ST7: variants seen among roughly 807,000 people sequenced by gnomAD.
The protein encoded by ST7 is suppressor of tumorigenicity 7 protein.
A neutral mutation model predicts 78.7 loss-of-function variants in ST7; 28 were observed. The ratio of observed to expected loss-of-function variants is 0.36; its 90% CI spans 0.26 to 0.49. ST7 has a LOEUF of 0.49. Ranked by LOEUF, ST7 falls within the 20% of genes least tolerant of loss-of-function variation. ST7 has a pLI of 0.99. For synonymous variants in ST7, 247 were observed against 249.6 expected (o/e 0.99, Z 0.10); for missense variants, 418 against 696.0 (o/e 0.60, Z 4.49).
At chr7:117,197,273 T>A (rs936351106) in intron 12 of ST7, among the ~76,000 whole-genome samples, 2 of 152,198 alleles carry the variant, frequency 1.3e-5, no homozygotes, top group Non-Finnish European at 2.9e-5. Context: ...TTCTACCTTG[T>A]CCTCCCAAAG....
chr7:116,960,409 A>C (rs1469938692), intron 1 of ST7, among the ~76,000 whole-genome samples: 1 of 152,130 alleles, frequency 6.6e-6, no homozygotes, highest in Non-Finnish European at 1.5e-5. Context: ...GACTGGTCTC[A>C]AACTTCAGGC....
At chr7:116,984,758 AT>A (rs1456490081) in intron 1 of ST7, among the ~76,000 whole-genome samples, 3 of 152,174 alleles carry the variant, frequency 2.0e-5, no homozygotes, top group Non-Finnish European at 2.9e-5. Flanking sequence ...CAATATAGGC[AT>A]TTGCTTTCCT....
chr7:117,102,554 G>C (rs1386998961), intron 2 of ST7, among the ~76,000 whole-genome samples: 1 of 152,128 alleles, frequency 6.6e-6, no homozygotes, highest in Non-Finnish European at 1.5e-5. Context: ...GTATGGGAAT[G>C]AATCTCTCAA....
At chr7:117,133,911 G>A (rs753741868) in intron 6 of ST7, among the ~76,000 whole-genome samples, 9 of 151,800 alleles carry the variant, frequency 5.9e-5, no homozygotes, top group Non-Finnish European at 8.8e-5. Flanking sequence ...ATTTGTGATT[G>A]CAGTTACAGT....
chr7:117,040,306 A>G (rs1219854299), intron 1 of ST7, among the ~76,000 whole-genome samples: 1 of 152,102 alleles, frequency 6.6e-6, no homozygotes, highest in Non-Finnish European at 1.5e-5. Context: ...TGGAAGGCAG[A>G]GGTTGCAGTG....
intron 1 of ST7, among the ~76,000 whole-genome samples, chr7:116,975,720 C>A (rs1272581866): frequency 6.9e-6 from 1 of 144,856 alleles, no homozygotes; most frequent in African/African-American, 2.5e-5. Context: ...TTTTTTTTTT[C>A]TTTGAAATTT....
At chr7:117,064,007 C>T (rs1798495761) in intron 1 of ST7, among the ~76,000 whole-genome samples, 1 of 152,102 alleles carries the variant, frequency 6.6e-6, no homozygotes, top group Admixed American at 6.5e-5. Context: ...TAGATTTCCT[C>T]ATATTTCTTC....
chr7:117,048,777 A>G (rs1488532641), intron 1 of ST7, among the ~76,000 whole-genome samples: 5 of 152,154 alleles, frequency 3.3e-5, no homozygotes, highest in Non-Finnish European at 2.9e-5. Flanking sequence ...AGCATCTTCA[A>G]TGGTATAATC....
At chr7:117,213,923 A>G (rs1792485453) in intron 13 of ST7, among the ~76,000 whole-genome samples, 1 of 152,216 alleles carries the variant, frequency 6.6e-6, no homozygotes, top group Non-Finnish European at 1.5e-5. Context: ...AACATAAAAA[A>G]CATAGAAACG....
rs549027828 is a variant in ST7, at chr7:117,019,200, T to A, written c.151+65509T>A. Among the ~76,000 whole-genome samples, 15 of 152,314 alleles carry A rather than the reference T, an allele frequency of 9.8e-5. No homozygotes were observed. In the East Asian group the frequency reaches 2.9e-3, roughly 29 times the overall value. On this transcript the variant is annotated intron_variant, in intron 1 of 15. Transcript: ENST00000323984. ...GAACTATTGAACTTTCTACTATATATGATTTTAAAAGTTACGTATATATGT... is the reference window on the plus strand; with the variant it reads ...GAACTATTGAACTTTCTACTATATAAGATTTTAAAAGTTACGTATATATGT...
intron 1 of ST7, among the ~76,000 whole-genome samples, chr7:117,084,009 A>G (rs1799966789): frequency 1.3e-5 from 2 of 152,236 alleles, no homozygotes; most frequent in Non-Finnish European, 1.5e-5. Context: ...ATAGACATCC[A>G]AATACTTGAG....
chr7:117,132,055 T>G (rs1312304135), intron 6 of ST7, 95 bp downstream of exon 6: 2 of 1,228,602 alleles, frequency 1.6e-6, no homozygotes, highest in East Asian at 4.7e-5. Flanking sequence ...TTAAACTGCA[T>G]TTGAACTGGA....
At chr7:117,199,150 T>C (rs1810581335) in intron 12 of ST7, 1 of 151,438 alleles carries the variant, frequency 6.6e-6, no homozygotes, top group Non-Finnish European at 1.5e-5. Flanking sequence ...GAAGTGTGAG[T>C]GGAAGAGAGA....
chr7:116,956,721 A>G (rs1792517603), intron 1 of ST7: 2 of 460,714 alleles, frequency 4.3e-6, no homozygotes, highest in African/African-American at 2.0e-5. Flanking sequence ...ATCATATTTT[A>G]TGGTAAATGA....
chr7:117,043,384 G>C (rs1379957616), intron 1 of ST7, among the ~76,000 whole-genome samples: 1 of 152,150 alleles, frequency 6.6e-6, no homozygotes, highest in Admixed American at 6.6e-5. Flanking sequence ...TGGGACCTTT[G>C]AGACTATTCC....
At chr7:117,176,690 T>G (rs754321192) in intron 10 of ST7, among the ~76,000 whole-genome samples, 5 of 152,250 alleles carry the variant, frequency 3.3e-5, no homozygotes, top group Admixed American at 1.3e-4. Flanking sequence ...TAAGTAAAAA[T>G]AGGAAGGATG....
chr7:117,134,220 A>G (rs778446727), intron 7 of ST7, 28 bp downstream of exon 7: 1 of 1,610,608 alleles, frequency 6.2e-7, no homozygotes, highest in South Asian at 1.1e-5. Context: ...TGGGTGCCCT[A>G]CTTCTAACCA....
At chr7:116,989,102 C>G (rs1794313056) in intron 1 of ST7, among the ~76,000 whole-genome samples, 1 of 152,120 alleles carries the variant, frequency 6.6e-6, no homozygotes, top group South Asian at 2.1e-4. Context: ...TTTGTACTGC[C>G]TTTTATATAA....
At chr7:116,997,097 C>T (rs1265985671) in intron 1 of ST7, among the ~76,000 whole-genome samples, 2 of 152,076 alleles carry the variant, frequency 1.3e-5, no homozygotes, top group Non-Finnish European at 2.9e-5. Flanking sequence ...CGGATGTGTT[C>T]TGAGTTTCTT....
Sources: gnomAD v4.1 joint callset for allele counts (sites outside exome capture counted in the v4.1 genomes callset) on GRCh38, gnomAD v4.1.1 for gene constraint, MANE v1.5 for transcripts, NCBI Gene and HGNC (gene_info 2026-07-23, HGNC 2026-07-21) for gene names.